The following ARNT2 variants were observed in gnomAD, a reference collection of about 807,000 sequenced individuals.
ARNT2 encodes aryl hydrocarbon receptor nuclear translocator 2, also known as ARNT protein 2.
A neutral mutation model predicts 91.7 loss-of-function variants in ARNT2; 36 were observed. The ratio of observed to expected loss-of-function variants is 0.39; its 90% confidence interval spans 0.30 to 0.52. The LOEUF (loss-of-function observed/expected upper bound fraction) is 0.52. Among genes scored for constraint, ARNT2 ranks in the 20% least tolerant of loss-of-function variants. The pLI is 0.72. For missense variants in ARNT2, 775 were observed against 939.3 expected (o/e 0.83, Z 2.29); for synonymous variants, 365 against 347.1 (o/e 1.05, Z -0.57).
At chr15:80,430,933 G>A (rs1895998346) in intron 1 of ARNT2, among the ~76,000 whole-genome samples, 1 of 152,012 alleles carries the variant, frequency 6.6e-6, no homozygotes, top group African/African-American at 2.4e-5. Flanking sequence ...CCTGTTCTGG[G>A]TGGTGCATGT....
chr15:80,576,919 T>G lies in ARNT2; in HGVS notation c.1567T>G (p.Ser523Ala), dbSNP rs1270626565. Residue 523 changes from serine (S) to alanine (A), a missense_variant, in exon 15 of 19, where the codon TCC becomes GCC. Physicochemically the swap from Ser to Ala is moderately conservative, Grantham distance 99 (BLOSUM62 1). This residue lies in a region of ARNT2 where 325 missense variants were observed against 359.9 expected (regional missense o/e 0.90). Coordinates refer to ENST00000303329, the MANE Select transcript of ARNT2 (RefSeq NM_014862.4). ...ASAAGTQQIY[S>A]QGSPFPSGHS... ...TGCAGCAGGAACCCAGCAGATCTAC[T>G]CCCAAGGAAGCCCATTTCCCTCTGG... is the stretch of plus-strand genomic sequence containing the variant. The G allele has an allele frequency of 6.2e-7, 1 of 1,614,042 alleles. No homozygotes were observed. Among genetic ancestry groups the G allele is most frequent in the East Asian group, 2.2e-5 (1 of 44,868 alleles).
Position 80,508,216 on chromosome 15 carries a change from G to A in ARNT2, c.683G>A (p.Arg228Lys). The change falls in exon 6 of 19, where the codon AGG (arginine) becomes AAG (lysine). Residue 228 changes from arginine (R) to lysine (K), a missense_variant. Arg to Lys is a conservative substitution (Grantham distance 26). Around this residue, in one of 5 missense-constraint regions of ARNT2, gnomAD observed 285 missense variants for 327.2 expected, o/e 0.87. Transcript: ENST00000303329. ...AAAGAAGGGCAGCAGTCATCCATGA[G>A]GATGTGCATGGGCTCGCGGCGGTCT... is the stretch of plus-strand genomic sequence containing the variant. The part of the protein sequence containing the change: ...VKKEGQQSSM[R>K]MCMGSRRSFI... The A allele has an allele frequency of 6.2e-7, 1 of 1,614,156 alleles. No homozygotes were observed. Among genetic ancestry groups the A allele is most frequent in the Non-Finnish European group, 8.5e-7 (1 of 1,180,004 alleles).
intron 12 of ARNT2, among the ~76,000 whole-genome samples, chr15:80,569,972 T>A (rs903402810): frequency 7.2e-5 from 11 of 152,234 alleles, no homozygotes; most frequent in Non-Finnish European, 1.2e-4. Flanking sequence ...GTTCACTGCT[T>A]CAACCCCACA....
At chr15:80,555,256 C>T in intron 11 of ARNT2, 117 bp downstream of exon 11, 1 of 1,028,092 alleles carries the variant, frequency 9.7e-7, no homozygotes, top group Non-Finnish European at 1.5e-6. Context: ...TACCTATGGC[C>T]TCACTCAGGG....
At chr15:80,478,722 G>A (rs1371442611) in intron 5 of ARNT2, among the ~76,000 whole-genome samples, 1 of 152,228 alleles carries the variant, frequency 6.6e-6, no homozygotes, top group Non-Finnish European at 1.5e-5. Flanking sequence ...GCTTGGAAGA[G>A]CTCTCTGAAA....
chr15:80,411,763 G>T (rs1895683282), intron 1 of ARNT2, among the ~76,000 whole-genome samples: 1 of 151,866 alleles, frequency 6.6e-6, no homozygotes, highest in Non-Finnish European at 1.5e-5. Flanking sequence ...TCAGCAGGTG[G>T]GTGGGTGAGG....
intron 12 of ARNT2, among the ~76,000 whole-genome samples, chr15:80,564,169 G>A (rs1898427739): frequency 6.6e-6 from 1 of 152,144 alleles, no homozygotes; most frequent in South Asian, 2.1e-4. Context: ...CGTAGTCAGT[G>A]GCACCAGCAT....
At chr15:80,455,599 A>G (rs1896470404) in intron 2 of ARNT2, among the ~76,000 whole-genome samples, 1 of 152,150 alleles carries the variant, frequency 6.6e-6, no homozygotes, top group African/African-American at 2.4e-5. Context: ...AAAGTGACCA[A>G]CCATCCTGGT....
intron 8 of ARNT2, among the ~76,000 whole-genome samples, chr15:80,534,990 C>T (rs1005143031): frequency 1.3e-5 from 2 of 152,066 alleles, no homozygotes; most frequent in African/African-American, 4.8e-5. Context: ...ATTCAGAGAC[C>T]CAACAAATCA....
At chr15:80,584,565 G>C (rs1393820013) in intron 17 of ARNT2, among the ~76,000 whole-genome samples, 1 of 152,162 alleles carries the variant, frequency 6.6e-6, no homozygotes, top group East Asian at 1.9e-4. Flanking sequence ...AGTGGAGAAG[G>C]AACAGAGCAG....
intron 5 of ARNT2, among the ~76,000 whole-genome samples, chr15:80,504,102 A>G (rs971938868): frequency 1.3e-5 from 2 of 152,222 alleles, no homozygotes; most frequent in African/African-American, 2.4e-5. Context: ...ACCTTCCTCC[A>G]TTTGGAGCAG....
chr15:80,549,407 A>G (rs1898044581), intron 8 of ARNT2, among the ~76,000 whole-genome samples: 1 of 152,194 alleles, frequency 6.6e-6, no homozygotes, highest in African/African-American at 2.4e-5. Context: ...TTAAATCACC[A>G]CAAAGTCAAA....
chr15:80,447,035 C>A (rs1477945204), intron 1 of ARNT2, among the ~76,000 whole-genome samples: 1 of 152,106 alleles, frequency 6.6e-6, no homozygotes, highest in Non-Finnish European at 1.5e-5. Flanking sequence ...ACAAGAAGAG[C>A]TTTTAGGATA....
At chr15:80,547,202 T>C (rs1012919848) in intron 8 of ARNT2, among the ~76,000 whole-genome samples, 3 of 152,166 alleles carry the variant, frequency 2.0e-5, no homozygotes, top group Non-Finnish European at 4.4e-5. Context: ...CTGCTTTCTG[T>C]GTGTCAACAT....
chr15:80,578,865 G>A (rs778929882), intron 15 of ARNT2, among the ~76,000 whole-genome samples: 1 of 152,230 alleles, frequency 6.6e-6, no homozygotes, highest in Non-Finnish European at 1.5e-5. Context: ...TATATCCGAA[G>A]GATCTGAGCT....
In ARNT2 at chr15:80,546,980, A is replaced by C. The variant is rs150460936; in HGVS notation, c.878-4219A>C. On this transcript the variant is annotated intron_variant, in intron 8 of 18. Coordinates refer to ENST00000303329, the MANE Select transcript of ARNT2 (RefSeq NM_014862.4). The stretch of plus-strand genomic sequence containing the variant: ...TCCATCTCAAAAAAAAAAACCAAAC[A>C]AAACAAAACAATAAACGGAAAGAAA... Among the ~76,000 whole-genome samples the C allele has an allele frequency of 2.2e-3, 327 of 152,014 alleles. 7 individuals are homozygous for C. The East Asian group carries it at 0.032, about 15-fold the overall frequency.
rs2141493093 is a variant in ARNT2, at chr15:80,596,389, T to C, written c.*2691T>C. On this transcript the variant is annotated 3_prime_UTR_variant, in exon 19 of 19. Coordinates refer to ENST00000303329, the MANE Select transcript of ARNT2 (RefSeq NM_014862.4). The stretch of plus-strand genomic sequence containing the variant: ...TTTGTAAAAGCCGTCATGGGGTCAA[T>C]AAGAAAATAGGGGTGATGGAGGGGG... The C allele has an allele frequency of 6.6e-6, 1 of 152,290 alleles. No individual in the cohort carries two copies. Among genetic ancestry groups the C allele is most frequent in the African/African-American group, 2.4e-5 (1 of 41,500 alleles). 9.4% of individuals were successfully genotyped at this position (152,290 alleles called of 1,614,324 possible).
At chr15:80,566,018 G>A (rs987470998) in intron 12 of ARNT2, among the ~76,000 whole-genome samples, 1 of 152,170 alleles carries the variant, frequency 6.6e-6, no homozygotes, top group Non-Finnish European at 1.5e-5. Context: ...TGGCCCAGAA[G>A]CATAGAATTT....
chr15:80,468,710 G>C (rs751011503), intron 3 of ARNT2, among the ~76,000 whole-genome samples: 11 of 152,192 alleles, frequency 7.2e-5, no homozygotes, highest in Non-Finnish European at 1.3e-4. Flanking sequence ...ATCATACTCT[G>C]CGTTTCATTT....
Sources: allele counts gnomAD v4.1 joint callset (sites outside exome capture counted in the v4.1 genomes callset), GRCh38; gene constraint gnomAD v4.1.1; regional missense constraint gnomAD v4.1.1; transcripts MANE v1.5; gene names NCBI Gene and HGNC (gene_info 2026-07-23, HGNC 2026-07-21).